CSMD1: variants seen among roughly 807,000 people sequenced by gnomAD.
The protein encoded by CSMD1 is CUB and sushi domain-containing protein 1.
A neutral mutation model predicts 417.5 loss-of-function variants in CSMD1; 213 were observed. The observed-to-expected ratio is 0.51, with a 90% CI of 0.46 to 0.57. The LOEUF is 0.57. Ranked by LOEUF, CSMD1 falls within the 20% of genes least tolerant of loss-of-function variation. The probability of loss-of-function intolerance (pLI) is 0.00; values close to 1 mark genes in which losing one functional copy is unlikely to be tolerated. For missense variants in CSMD1, 6,923 were observed against 4,529.7 expected (o/e 1.53, Z -15.17); for synonymous variants, 2,862 against 1,736.8 (o/e 1.65, Z -16.11).
intron 3 of CSMD1, among the ~76,000 whole-genome samples, chr8:4,386,816 G>T (rs965398374): frequency 6.6e-6 from 1 of 152,142 alleles, no homozygotes; most frequent in South Asian, 2.1e-4. Flanking sequence ...TGGGCTCTTG[G>T]GATTAATGTA....
chr8:3,347,153 CTGGGCCGCATGTGGCCTG>C (rs1808060502), intron 22 of CSMD1, among the ~76,000 whole-genome samples: 1 of 152,242 alleles, frequency 6.6e-6, no homozygotes. Flanking sequence ...CAAAGCTGTG[CTGGGCCGCATGTGGCCTG>C]TGGGCCGCGG....
chr8:4,586,147 T>G (rs1202830225), intron 2 of CSMD1, among the ~76,000 whole-genome samples: 1 of 152,226 alleles, frequency 6.6e-6, no homozygotes, highest in African/African-American at 2.4e-5. Flanking sequence ...ATTTGCCATT[T>G]CTTTGTGTTT....
chr8:4,750,213 T>A (rs1044099774), intron 1 of CSMD1, among the ~76,000 whole-genome samples: 1 of 151,896 alleles, frequency 6.6e-6, no homozygotes, highest in Non-Finnish European at 1.5e-5. Flanking sequence ...TTCACCGTGT[T>A]AGCCACGATG....
chr8:2,974,666 T>G (rs1245713062), intron 55 of CSMD1, 42 bp from the exon 56 acceptor site: 2 of 1,452,696 alleles, frequency 1.4e-6, no homozygotes, highest in Non-Finnish European at 9.2e-7. Context: ...TCCTTCCAGT[T>G]AAACCACTTT....
intron 1 of CSMD1, among the ~76,000 whole-genome samples, chr8:4,834,527 G>A (rs533136833): frequency 1.3e-5 from 2 of 152,118 alleles, no homozygotes; most frequent in African/African-American, 4.8e-5. Flanking sequence ...ATGAAGATAA[G>A]GGTGAGCTTT....
chr8:3,581,095 A>G (rs1048171798), intron 9 of CSMD1, among the ~76,000 whole-genome samples: 3 of 152,164 alleles, frequency 2.0e-5, no homozygotes, highest in African/African-American at 7.2e-5. Flanking sequence ...TTAACTCTAC[A>G]GATCAAAGTG....
At chr8:4,251,196 G>T (rs909601568) in intron 3 of CSMD1, among the ~76,000 whole-genome samples, 2 of 152,034 alleles carry the variant, frequency 1.3e-5, no homozygotes, top group African/African-American at 4.8e-5. Context: ...AAGTGAACAA[G>T]TTTACAATAA....
At chr8:3,772,753 G>T (rs2129059761) in intron 5 of CSMD1, among the ~76,000 whole-genome samples, 1 of 148,538 alleles carries the variant, frequency 6.7e-6, no homozygotes, top group South Asian at 2.1e-4. Flanking sequence ...CCTTCATTCA[G>T]CAAATATTGA....
chr8:3,212,938 C>T (rs547307893), intron 30 of CSMD1, among the ~76,000 whole-genome samples: 7 of 151,096 alleles, frequency 4.6e-5, no homozygotes, highest in Non-Finnish European at 1.0e-4. Context: ...AAGCGATTCT[C>T]CTGCCTCAGC....
At chr8:3,412,419 G>A (rs75368714) in intron 12 of CSMD1, among the ~76,000 whole-genome samples, 2,741 of 152,136 alleles carry the variant, frequency 0.018, 85 homozygotes, top group African/African-American at 0.063. Flanking sequence ...CTGCTGTGAG[G>A]GATATAGAAA....
chr8:3,016,937 G>C (rs565747644), intron 52 of CSMD1, among the ~76,000 whole-genome samples: 1 of 152,198 alleles, frequency 6.6e-6, no homozygotes, highest in South Asian at 2.1e-4. Context: ...AATAACACAA[G>C]ATAGATAAAG....
chr8:3,080,151 G>C (rs991706526), intron 49 of CSMD1, among the ~76,000 whole-genome samples: 1 of 152,206 alleles, frequency 6.6e-6, no homozygotes, highest in Non-Finnish European at 1.5e-5. Flanking sequence ...GACCTTGAAA[G>C]TAAATAGCTG....
intron 50 of CSMD1, among the ~76,000 whole-genome samples, chr8:3,036,242 T>G (rs1447173169): frequency 6.6e-6 from 1 of 152,208 alleles, no homozygotes; most frequent in African/African-American, 2.4e-5. Context: ...AACATTGCTT[T>G]AAGATATTTA....
At chr8:4,838,251 T>C (rs954873467) in intron 1 of CSMD1, among the ~76,000 whole-genome samples, 2 of 152,230 alleles carry the variant, frequency 1.3e-5, no homozygotes, top group Non-Finnish European at 2.9e-5. Context: ...TATTCACTTA[T>C]TGACTGAGCA....
In CSMD1 at chr8:3,452,565, T is replaced by C. The variant is rs1025523215; in HGVS notation, c.1561+16147A>G. 2.6e-5 allele frequency among the ~76,000 whole-genome samples: 4 copies of C among 152,230 alleles called. No individual in the cohort carries two copies. In the East Asian group the frequency reaches 7.7e-4, roughly 29 times the overall value. ...TTGTCAAAGGCCTTTTCTGCATCTA[T>C]TGAGATAATCATGTGGTTTTTGTCA... On this transcript the variant is annotated intron_variant, in intron 12 of 69. Coordinates refer to ENST00000635120, the MANE Select transcript of CSMD1 (RefSeq NM_033225.6).
chr8:4,163,995 C>A (rs1327319918), intron 3 of CSMD1, among the ~76,000 whole-genome samples: 2 of 152,070 alleles, frequency 1.3e-5, no homozygotes, highest in Non-Finnish European at 2.9e-5. Context: ...GAGGAATAAT[C>A]GTGAGGAGAA....
chr8:3,145,295 T>A (rs558162946), intron 40 of CSMD1, among the ~76,000 whole-genome samples: 1 of 152,258 alleles, frequency 6.6e-6, no homozygotes, highest in Non-Finnish European at 1.5e-5. Context: ...CACTTAATAT[T>A]TTATGGTAGG....
Position 3,026,895 on chromosome 8 carries a change from T to G in CSMD1, c.7855+2424A>C, listed in dbSNP as rs926025565. ...TCCATAGAGGGTCTGCTGAATGACC[T>G]TGGTAAAGGGGTTTCTAGACTTCTG... On this transcript the variant is annotated intron_variant, in intron 51 of 69. Coordinates refer to ENST00000635120, the MANE Select transcript of CSMD1 (RefSeq NM_033225.6). 4.6e-5 allele frequency among the ~76,000 whole-genome samples: 7 copies of G among 152,126 alleles called. No homozygotes were observed. The South Asian group carries it at 1.0e-3, about 23-fold the overall frequency.
intron 3 of CSMD1, among the ~76,000 whole-genome samples, chr8:4,116,431 G>A (rs1417220456): frequency 6.6e-6 from 1 of 151,680 alleles, no homozygotes; most frequent in Non-Finnish European, 1.5e-5. Context: ...CACATCAGAT[G>A]GCGACGTATG....
Sources: gnomAD v4.1 joint callset for allele counts (sites outside exome capture counted in the v4.1 genomes callset) on GRCh38, gnomAD v4.1.1 for gene constraint, MANE v1.5 for transcripts, NCBI Gene and HGNC (gene_info 2026-07-23, HGNC 2026-07-21) for gene names.